The following CLSTN2 variants were observed in gnomAD, a reference collection of about 807,000 sequenced individuals.
CLSTN2 encodes the protein calsyntenin-2.
Under a neutral mutation model 101.2 loss-of-function variants are expected in CLSTN2, and 48 were observed. The ratio of observed to expected loss-of-function variants is 0.47; its 90% CI spans 0.38 to 0.60. The LOEUF is 0.60. Among genes scored for constraint, CLSTN2 ranks in the 20% least tolerant of loss-of-function variants. CLSTN2 has a pLI of 0.00. For synonymous variants in CLSTN2, 481 were observed against 463.6 expected, an observed-to-expected ratio of 1.04 and a Z score of -0.48; for missense variants, 1,160 against 1,238.2, an observed-to-expected ratio of 0.94 and a Z score of 0.95.
chr3:140,055,750 G>A (rs530107900), intron 1 of CLSTN2, among the ~76,000 whole-genome samples: 24 of 152,252 alleles, frequency 1.6e-4, no homozygotes, highest in African/African-American at 5.5e-4. Context: ...TTAGAAAGGC[G>A]CTAACAGGTA....
intron 2 of CLSTN2, among the ~76,000 whole-genome samples, chr3:140,337,314 G>A (rs1042386760): frequency 6.6e-6 from 1 of 152,116 alleles, no homozygotes; most frequent in South Asian, 2.1e-4. Flanking sequence ...TCTGTTCCAG[G>A]CCTCTCCCTT....
At chr3:139,950,619 C>A (rs1167841963) in intron 1 of CLSTN2, among the ~76,000 whole-genome samples, 1 of 152,168 alleles carries the variant, frequency 6.6e-6, no homozygotes, top group Admixed American at 6.5e-5. Flanking sequence ...GTATCAGAAC[C>A]AATGGTCCCT....
chr3:139,994,935 T>C (rs1936177072), intron 1 of CLSTN2, among the ~76,000 whole-genome samples: 1 of 152,214 alleles, frequency 6.6e-6, no homozygotes, highest in South Asian at 2.1e-4. Context: ...CCTTCCTAAA[T>C]GACTCAAGTC....
At chr3:140,126,541 G>A (rs2009434034) in intron 1 of CLSTN2, among the ~76,000 whole-genome samples, 1 of 152,096 alleles carries the variant, frequency 6.6e-6, no homozygotes, top group African/African-American at 2.4e-5. Flanking sequence ...ACCGAGGCTA[G>A]AGGTGAATTT....
At chr3:140,330,968 T>C (rs2087378262) in intron 2 of CLSTN2, among the ~76,000 whole-genome samples, 2 of 152,146 alleles carry the variant, frequency 1.3e-5, no homozygotes, top group Admixed American at 6.5e-5. Context: ...AAAGGGAATT[T>C]ATTAGGGAGA....
Position 139,935,405 on chromosome 3 carries a change from C to T in CLSTN2, c.31C>T (p.Leu11Phe). Residue 11 changes from leucine (L) to phenylalanine (F), a missense_variant, in exon 1 of 17, where the codon CTC becomes TTC. Transcript: ENST00000458420. The surrounding 1 kb of genome is among the most constrained non-coding windows in gnomAD (Gnocchi z 5.5). ...GCCTGGGCGGCTGTGCTGGGTGCCG[C>T]TCCTGCTGGCGCTGGGCGTGGGGAG... is the stretch of plus-strand genomic sequence containing the variant. MLPGRLCWVPLLLALGVGSGS... is the reference protein window; with the variant it reads MLPGRLCWVPFLLALGVGSGS... 1 of 1,230,796 alleles carries T rather than the reference C, an allele frequency of 8.1e-7. No individual in the cohort carries two copies. The highest frequency in any genetic ancestry group is 4.1e-5 in the South Asian group (1 of 24,314). 76.2% of individuals were successfully genotyped at this position (1,230,796 alleles called of 1,614,324 possible).
intron 1 of CLSTN2, among the ~76,000 whole-genome samples, chr3:140,013,048 AG>A (rs1227739857): frequency 6.6e-6 from 1 of 152,198 alleles, no homozygotes; most frequent in Admixed American, 6.5e-5. Context: ...ATGGAGGCCA[AG>A]GGAGGAGGGC....
intron 8 of CLSTN2, among the ~76,000 whole-genome samples, chr3:140,503,788 G>C (rs1431441096): frequency 2.6e-5 from 4 of 152,132 alleles, no homozygotes; most frequent in Non-Finnish European, 4.4e-5. Flanking sequence ...AATTTTTCTT[G>C]ATTCGGCTAT....
intron 4 of CLSTN2, among the ~76,000 whole-genome samples, chr3:140,405,844 A>G (rs1336784757): frequency 6.6e-6 from 1 of 152,222 alleles, no homozygotes; most frequent in Non-Finnish European, 1.5e-5. Context: ...GGGTGTTTAT[A>G]TGTTCTTCCT....
intron 1 of CLSTN2, among the ~76,000 whole-genome samples, chr3:140,132,136 T>C (rs2009532942): frequency 2.0e-5 from 3 of 152,176 alleles, no homozygotes; most frequent in African/African-American, 7.2e-5. Context: ...ATCGCTATTC[T>C]GCATGGCAGG....
At chr3:140,215,978 G>A (rs73226981) in intron 2 of CLSTN2, among the ~76,000 whole-genome samples, 8,041 of 152,236 alleles carry the variant, frequency 0.053, 308 homozygotes, top group Middle Eastern at 0.088. Flanking sequence ...CTGGGGCCTC[G>A]GGCCATTACT....
chr3:140,058,634 A>C (rs2008141161), intron 1 of CLSTN2, among the ~76,000 whole-genome samples: 3 of 152,188 alleles, frequency 2.0e-5, no homozygotes, highest in Admixed American at 2.0e-4. Flanking sequence ...GATTACCCCA[A>C]AAGTTTAGAC....
At chr3:140,392,543 T>A (rs1038326652) in intron 2 of CLSTN2, among the ~76,000 whole-genome samples, 7 of 152,184 alleles carry the variant, frequency 4.6e-5, no homozygotes, top group Non-Finnish European at 8.8e-5. Context: ...TTAAATTTTT[T>A]AAAAATAAAG....
chr3:140,209,443 G>A (rs1037894247), intron 2 of CLSTN2, among the ~76,000 whole-genome samples: 6 of 152,104 alleles, frequency 3.9e-5, no homozygotes, highest in African/African-American at 1.4e-4. Context: ...TCATTGGTGC[G>A]AGATAGCTGC....
intron 2 of CLSTN2, among the ~76,000 whole-genome samples, chr3:140,223,029 T>G (rs948000757): frequency 3.9e-5 from 6 of 152,178 alleles, no homozygotes; most frequent in African/African-American, 1.4e-4. Flanking sequence ...ACACTTGGTG[T>G]TGTAGAGTTA....
At chr3:140,212,574 A>G (rs1051301234) in intron 2 of CLSTN2, among the ~76,000 whole-genome samples, 15 of 152,094 alleles carry the variant, frequency 9.9e-5, no homozygotes, top group African/African-American at 3.4e-4. Context: ...TAATCCTTCA[A>G]TGGCTCCCCT....
At chr3:140,373,541 C>T (rs994570814) in intron 2 of CLSTN2, among the ~76,000 whole-genome samples, 2 of 152,200 alleles carry the variant, frequency 1.3e-5, no homozygotes, top group Non-Finnish European at 2.9e-5. Context: ...CAGAACAAAT[C>T]TTTCTGTCCT....
chr3:140,295,066 G>T (rs2086990044), intron 2 of CLSTN2, among the ~76,000 whole-genome samples: 1 of 152,068 alleles, frequency 6.6e-6, no homozygotes, highest in Non-Finnish European at 1.5e-5. Context: ...CAGACATTCG[G>T]TCCATAATAC....
intron 1 of CLSTN2, among the ~76,000 whole-genome samples, chr3:140,079,675 C>T (rs1356006881): frequency 3.3e-5 from 5 of 150,154 alleles, no homozygotes; most frequent in Non-Finnish European, 7.4e-5. Flanking sequence ...CGCTTGAACC[C>T]GGGAGGCAGA....
Sources: allele counts gnomAD v4.1 joint callset (sites outside exome capture counted in the v4.1 genomes callset), GRCh38; gene constraint gnomAD v4.1.1; non-coding constraint Gnocchi (gnomAD v3.1); transcripts MANE v1.5; gene names NCBI Gene and HGNC (gene_info 2026-07-23, HGNC 2026-07-21).